Variants in CREB1 observed in about 807,000 individuals in gnomAD.
CREB1 encodes cAMP responsive element binding protein 1, also known as cyclic AMP-responsive element-binding protein 1.
CREB1 carries 2 observed loss-of-function variants against 42.0 expected under a neutral mutation model. The observed-to-expected ratio is 0.05, with a 90% CI of 0.02 to 0.15. The LOEUF (loss-of-function observed/expected upper bound fraction) is 0.15, where lower values mean the gene tolerates loss of function less well. Among genes scored for constraint, CREB1 ranks in the 10% least tolerant of loss-of-function variants. The pLI, the probability that CREB1 is intolerant of heterozygous loss-of-function variation, is 1.00. For synonymous variants in CREB1, 123 were observed against 139.9 expected (o/e 0.88, Z 0.85); for missense variants, 199 against 388.9 (o/e 0.51, Z 4.11).
At chr2:207,568,755 T>G (rs2082237461) in intron 4 of CREB1, among the ~76,000 whole-genome samples, 1 of 152,174 alleles carries the variant, frequency 6.6e-6, no homozygotes, top group Non-Finnish European at 1.5e-5. Context: ...TCAGTGTGAT[T>G]ATGTTATTCA....
At chr2:207,576,985 T>TA (rs2082624039) in intron 6 of CREB1, 2 of 888,094 alleles carry the variant, frequency 2.3e-6, no homozygotes, top group East Asian at 1.1e-4. Context: ...CATCAAGTGA[T>TA]ACACTTTTTC....
In CREB1 at chr2:207,605,804, T is replaced by G. The variant is rs1464472219; in HGVS notation, c.*8746T>G. On this transcript the variant is annotated 3_prime_UTR_variant, in exon 8 of 8. Coordinates refer to ENST00000353267, the MANE Select transcript of CREB1 (RefSeq NM_004379.5). ...TAACTAGGTCTACACAAGTTGTATC[T>G]CCAGGATACTGAGAAGTAAAAGTTA... Among the ~76,000 whole-genome samples the G allele has an allele frequency of 6.6e-6, 1 of 152,230 alleles. No homozygotes were observed. The highest frequency in any genetic ancestry group is 2.4e-5 in the African/African-American group (1 of 41,460).
intron 7 of CREB1, among the ~76,000 whole-genome samples, chr2:207,586,221 A>G (rs2083812699): frequency 6.6e-6 from 1 of 152,206 alleles, no homozygotes; most frequent in Non-Finnish European, 1.5e-5. Context: ...ACCAAAACAT[A>G]GTATTGATAT....
At chr2:207,558,560 C>G (rs1413751895) in intron 2 of CREB1, among the ~76,000 whole-genome samples, 1 of 152,052 alleles carries the variant, frequency 6.6e-6, no homozygotes, top group African/African-American at 2.4e-5. Flanking sequence ...CTTTCCTTAA[C>G]TACTTCATGG....
chr2:207,569,030 G>GATAC (rs71412420), intron 4 of CREB1, among the ~76,000 whole-genome samples: 23,621 of 151,974 alleles, frequency 0.16, 2,012 homozygotes, highest in Middle Eastern at 0.2. Flanking sequence ...CAAATGAGCA[G>GATAC]ATACATGTCT....
chr2:207,547,250 A>C (rs1308876678), intron 1 of CREB1, among the ~76,000 whole-genome samples: 1 of 152,250 alleles, frequency 6.6e-6, no homozygotes. Context: ...TTTAAAAAAC[A>C]CTTGGACATT....
chr2:207,581,700 A>G, intron 7 of CREB1: 2 of 581,908 alleles, frequency 3.4e-6, no homozygotes, highest in South Asian at 4.6e-5. Context: ...TTAGTATATT[A>G]CATAACCAGG....
At chr2:207,585,790 A>C (rs1448200613) in intron 7 of CREB1, among the ~76,000 whole-genome samples, 1 of 152,216 alleles carries the variant, frequency 6.6e-6, no homozygotes, top group East Asian at 1.9e-4. Flanking sequence ...GAGCAGAAAG[A>C]ATTTCTGAAC....
At chr2:207,575,810 T>C (rs1236649097) in intron 6 of CREB1, among the ~76,000 whole-genome samples, 1 of 152,002 alleles carries the variant, frequency 6.6e-6, no homozygotes, top group Non-Finnish European at 1.5e-5. Context: ...AGTCAGCTGC[T>C]CTGAGCCTCA....
At chr2:207,545,636 T>G (rs1430375443) in intron 1 of CREB1, among the ~76,000 whole-genome samples, 1 of 152,234 alleles carries the variant, frequency 6.6e-6, no homozygotes, top group East Asian at 1.9e-4. Flanking sequence ...AGAATATTTG[T>G]TTAATGAGTG....
chr2:207,532,669 CAAAA>C (rs112234348), intron 1 of CREB1, among the ~76,000 whole-genome samples: 3 of 141,018 alleles, frequency 2.1e-5, no homozygotes, highest in South Asian at 2.3e-4. Context: ...GACCCCATCT[CAAAA>C]AAAAAAAAGT....
intron 1 of CREB1, among the ~76,000 whole-genome samples, chr2:207,552,780 A>G (rs1304525712): frequency 1.3e-5 from 2 of 151,540 alleles, no homozygotes; most frequent in African/African-American, 4.8e-5. Flanking sequence ...ACGCCCAGCT[A>G]ATTTTTTGTA....
intron 1 of CREB1, among the ~76,000 whole-genome samples, chr2:207,547,020 A>G (rs895728790): frequency 2.0e-5 from 3 of 152,196 alleles, no homozygotes; most frequent in African/African-American, 7.2e-5. Flanking sequence ...ATAACCCTGA[A>G]GTCTTGAACA....
chr2:207,531,948 A>T (rs558015991), intron 1 of CREB1, among the ~76,000 whole-genome samples: 8 of 152,356 alleles, frequency 5.3e-5, no homozygotes, highest in South Asian at 4.1e-4. Context: ...AAGATTGGGG[A>T]AATGATTTTA....
chr2:207,552,950 T>G (rs913073920), intron 1 of CREB1, among the ~76,000 whole-genome samples: 1 of 152,188 alleles, frequency 6.6e-6, no homozygotes, highest in South Asian at 2.1e-4. Context: ...GACTCATTAC[T>G]GTCATTGAGT....
At chr2:207,556,625 G>C (rs1239559945) in intron 2 of CREB1, among the ~76,000 whole-genome samples, 1 of 152,208 alleles carries the variant, frequency 6.6e-6, no homozygotes, top group Non-Finnish European at 1.5e-5. Flanking sequence ...TTTCCAGCAA[G>C]AATATAGTCA....
At chr2:207,549,337 T>G (rs2081412602) in intron 1 of CREB1, among the ~76,000 whole-genome samples, 1 of 152,120 alleles carries the variant, frequency 6.6e-6, no homozygotes, top group Non-Finnish European at 1.5e-5. Flanking sequence ...TTGCTAAGTT[T>G]CCAGTATTGA....
At chr2:207,568,756 ATG>A (rs1471579169) in intron 4 of CREB1, among the ~76,000 whole-genome samples, 4 of 152,064 alleles carry the variant, frequency 2.6e-5, no homozygotes, top group Non-Finnish European at 4.4e-5. Context: ...CAGTGTGATT[ATG>A]TTATTCATTT....
At chr2:207,532,856 A>G (rs2106326367) in intron 1 of CREB1, among the ~76,000 whole-genome samples, 2 of 152,008 alleles carry the variant, frequency 1.3e-5, no homozygotes, top group Non-Finnish European at 2.9e-5. Context: ...CCCGGGTTCA[A>G]GCAATTCTCC....
Sources: gnomAD v4.1 joint callset for allele counts (sites outside exome capture counted in the v4.1 genomes callset) on GRCh38, gnomAD v4.1.1 for gene constraint, MANE v1.5 for transcripts, NCBI Gene and HGNC (gene_info 2026-07-23, HGNC 2026-07-21) for gene names.